LRBA: variants seen among roughly 807,000 people sequenced by gnomAD.
LRBA encodes lipopolysaccharide-responsive and beige-like anchor protein.
In LRBA, 176 loss-of-function variants were observed where a neutral mutation model predicts 330.0. The ratio of observed to expected loss-of-function variants is 0.53; its 90% CI spans 0.47 to 0.60. The LOEUF (loss-of-function observed/expected upper bound fraction) is 0.60. Among genes scored for constraint, LRBA ranks in the 20% least tolerant of loss-of-function variants. LRBA has a pLI of 0.00. For synonymous variants in LRBA, 1,230 were observed against 1,193.0 expected (o/e 1.03, Z -0.64); for missense variants, 3,259 against 3,444.8 (o/e 0.95, Z 1.35).
Position 150,871,382 on chromosome 4 carries a change from T to C in LRBA, c.2330A>G (p.Asn777Ser). 1 of 1,612,108 alleles carries C rather than the reference T, an allele frequency of 6.2e-7. No individual in the cohort carries two copies. The highest frequency in any genetic ancestry group is 8.5e-7 in the Non-Finnish European group (1 of 1,178,418). ...LLAERLMLQTNLITMTTYNVL... is the reference protein window; with the variant it reads ...LLAERLMLQTSLITMTTYNVL... ...ATTATATGTGGTCATTGTGATTAAA[T>C]TTGTCTGAAGCATGAGCCTTTCAGC... Residue 777 changes from asparagine (N) to serine (S), a missense_variant, in exon 19 of 57, where the codon AAT becomes AGT. By Grantham distance (46) the Asn-to-Ser change is conservative (BLOSUM62 1). Transcript: ENST00000651943.
In LRBA at chr4:150,454,896, TTTTA is replaced by T. The variant is rs1336514504; in HGVS notation, c.6780+12773_6780+12776del. Among the ~76,000 whole-genome samples the T allele has an allele frequency of 5.9e-5, 9 of 152,220 alleles. No individual in the cohort carries two copies. The South Asian group carries it at 1.7e-3, about 28-fold the overall frequency. ...ATGACCTCCAGTTCCATCCAAAAAC[TTTTA>T]TTTCTTATTATTAATTTTTTTGGTG... On this transcript the variant is annotated intron_variant, in intron 44 of 56. Transcript: ENST00000651943.
Position 150,916,599 on chromosome 4 carries a change from A to G in LRBA, c.767+18T>C. 1 of 1,599,940 alleles carries G rather than the reference A, an allele frequency of 6.3e-7. No individual in the cohort carries two copies. Among genetic ancestry groups the G allele is most frequent in the Non-Finnish European group, 8.5e-7 (1 of 1,173,708 alleles). On this transcript the variant is annotated intron_variant, in intron 6 of 56. Transcript: ENST00000651943. ...TCAAAGTAAGGTTTTAACACTAATC[A>G]GTTACAGAAATACATACCAATACAA...
intron 35 of LRBA, among the ~76,000 whole-genome samples, chr4:150,752,684 A>C (rs879379515): frequency 6.6e-6 from 1 of 152,028 alleles, no homozygotes. Flanking sequence ...AGAATATAAA[A>C]CCTTAGTAAT....
At chr4:150,282,304 G>A in intron 55 of LRBA, 146 bp downstream of exon 55, 2 of 675,430 alleles carry the variant, frequency 3.0e-6, no homozygotes, top group Non-Finnish European at 5.2e-6. Flanking sequence ...CCTTGTCTGA[G>A]TGCTACCTAA....
At chr4:150,759,833 C>A (rs1459470707) in intron 35 of LRBA, among the ~76,000 whole-genome samples, 2 of 152,098 alleles carry the variant, frequency 1.3e-5, no homozygotes, top group Non-Finnish European at 2.9e-5. Context: ...AGCTCAAAAA[C>A]TAAAAGCGCT....
chr4:150,375,307 T>C (rs1237471499), intron 47 of LRBA, among the ~76,000 whole-genome samples: 1 of 151,862 alleles, frequency 6.6e-6, no homozygotes, highest in Admixed American at 6.6e-5. Context: ...CAGAAGGGAG[T>C]TGTGGGTAAT....
chr4:150,682,829 T>C (rs968842523), intron 37 of LRBA, among the ~76,000 whole-genome samples: 3 of 152,106 alleles, frequency 2.0e-5, no homozygotes, highest in African/African-American at 7.2e-5. Flanking sequence ...AAATAAAAAC[T>C]TTCTGTCATT....
At chr4:150,335,804 C>T (rs1479419743) in intron 48 of LRBA, among the ~76,000 whole-genome samples, 2 of 152,092 alleles carry the variant, frequency 1.3e-5, no homozygotes, top group African/African-American at 2.4e-5. Context: ...GCAAGCGATC[C>T]TCCCACCTCA....
chr4:150,751,692 A>G (rs1047312014), intron 35 of LRBA, among the ~76,000 whole-genome samples: 4 of 152,210 alleles, frequency 2.6e-5, no homozygotes, highest in Admixed American at 2.0e-4. Context: ...AGAAAAAACT[A>G]TGTATAATTT....
At chr4:150,517,567 G>GC (rs1422216952) in intron 40 of LRBA, among the ~76,000 whole-genome samples, 1 of 151,924 alleles carries the variant, frequency 6.6e-6, no homozygotes, top group African/African-American at 2.4e-5. Flanking sequence ...GATGATGGGG[G>GC]CAAGAGGAGA....
At chr4:150,752,895 G>C (rs1485235135) in intron 35 of LRBA, among the ~76,000 whole-genome samples, 2 of 152,122 alleles carry the variant, frequency 1.3e-5, no homozygotes, top group Non-Finnish European at 2.9e-5. Flanking sequence ...TCTCTAGAAT[G>C]TGCAAATAAA....
intron 40 of LRBA, among the ~76,000 whole-genome samples, chr4:150,497,362 A>T (rs1401859628): frequency 2.0e-5 from 3 of 152,186 alleles, no homozygotes; most frequent in African/African-American, 7.2e-5. Context: ...TTTGACAATG[A>T]CAATGACACA....
At chr4:150,507,829 A>G (rs1761300534) in intron 40 of LRBA, among the ~76,000 whole-genome samples, 1 of 151,746 alleles carries the variant, frequency 6.6e-6, no homozygotes, top group African/African-American at 2.4e-5. Flanking sequence ...AACCAACCCA[A>G]ATGTCCAACA....
chr4:150,827,986 A>G (rs1380825113), intron 30 of LRBA, among the ~76,000 whole-genome samples, 194 bp downstream of exon 30: 1 of 152,128 alleles, frequency 6.6e-6, no homozygotes, highest in African/African-American at 2.4e-5. Flanking sequence ...TATAACAATC[A>G]AAATATGTGT....
intron 37 of LRBA, among the ~76,000 whole-genome samples, chr4:150,683,271 T>C (rs1454450064): frequency 6.6e-6 from 1 of 152,104 alleles, no homozygotes; most frequent in African/African-American, 2.4e-5. Flanking sequence ...AAGGAGTAAG[T>C]AGATAAAGCA....
At chr4:150,410,084 A>C (rs535669768) in intron 47 of LRBA, among the ~76,000 whole-genome samples, 3 of 152,280 alleles carry the variant, frequency 2.0e-5, no homozygotes, top group African/African-American at 7.2e-5. Context: ...CTGGCATTTC[A>C]ATTCCAAAAA....
intron 47 of LRBA, among the ~76,000 whole-genome samples, chr4:150,402,568 TTAA>T (rs1745637226): frequency 6.6e-6 from 1 of 152,144 alleles, no homozygotes; most frequent in South Asian, 2.1e-4. Context: ...TTGCCTTTGC[TTAA>T]AAATAAGAAT....
chr4:150,840,499 A>T (rs62344567), intron 28 of LRBA: 18,489 of 152,228 alleles, frequency 0.12, 2,295 homozygotes, highest in African/African-American at 0.33. Context: ...GACAGGGTAA[A>T]GGCCCCTCCC....
chr4:150,571,628 G>C (rs1769849063), intron 40 of LRBA, among the ~76,000 whole-genome samples: 5 of 140,896 alleles, frequency 3.5e-5, no homozygotes, highest in Non-Finnish European at 7.6e-5. Flanking sequence ...CCTTTAGTAT[G>C]CATTAACCTA....
Sources: gnomAD v4.1 joint callset for allele counts (sites outside exome capture counted in the v4.1 genomes callset) on GRCh38, gnomAD v4.1.1 for gene constraint, MANE v1.5 for transcripts, NCBI Gene and HGNC (gene_info 2026-07-23, HGNC 2026-07-21) for gene names.